KIF26B: variants seen among roughly 807,000 people sequenced by gnomAD.
KIF26B encodes the protein kinesin-like protein KIF26B.
KIF26B carries 63 observed loss-of-function variants against 151.2 expected under a neutral mutation model. The observed-to-expected ratio is 0.42, with a 90% CI of 0.34 to 0.51. KIF26B has a LOEUF of 0.51. KIF26B is among the 20% of genes least tolerant of loss of function. KIF26B has a pLI of 0.07. For synonymous variants in KIF26B, 1,357 were observed against 1,262.1 expected, an observed-to-expected ratio of 1.08 and a Z score of -1.59; for missense variants, 2,813 against 2,913.6, an observed-to-expected ratio of 0.97 and a Z score of 0.79.
chr1:245,624,863 A>C (rs761744010), intron 9 of KIF26B, among the ~76,000 whole-genome samples: 1 of 152,136 alleles, frequency 6.6e-6, no homozygotes, highest in Non-Finnish European at 1.5e-5. Flanking sequence ...TTGTAATTTT[A>C]GGCTTCAAAT....
intron 2 of KIF26B, among the ~76,000 whole-genome samples, chr1:245,317,098 T>C (rs899422501): frequency 1.9e-4 from 29 of 152,182 alleles, no homozygotes; most frequent in African/African-American, 6.8e-4. Context: ...GCTTTACTGT[T>C]CAACAAGAGG....
At chr1:245,668,013 A>G (rs2044236132) in intron 10 of KIF26B, among the ~76,000 whole-genome samples, 1 of 152,168 alleles carries the variant, frequency 6.6e-6, no homozygotes, top group Non-Finnish European at 1.5e-5. Context: ...CTCCTGCCTC[A>G]GCCTCCCAGG....
intron 2 of KIF26B, among the ~76,000 whole-genome samples, chr1:245,248,452 G>A (rs980569624): frequency 1.3e-5 from 2 of 152,216 alleles, no homozygotes; most frequent in Admixed American, 1.3e-4. Flanking sequence ...AAGATACACA[G>A]GTTTGGCCAG....
intron 2 of KIF26B, among the ~76,000 whole-genome samples, chr1:245,217,317 A>G (rs1669667751): frequency 6.6e-6 from 1 of 152,158 alleles, no homozygotes; most frequent in Non-Finnish European, 1.5e-5. Context: ...TTTGGACAAC[A>G]AATGACTCTC....
chr1:245,517,682 A>G (rs577005670), intron 4 of KIF26B, among the ~76,000 whole-genome samples: 1 of 152,306 alleles, frequency 6.6e-6, no homozygotes, highest in South Asian at 2.1e-4. Flanking sequence ...ATAAGCCACA[A>G]GGTAGCTCTG....
In KIF26B at chr1:245,249,814, C is replaced by G. The variant is rs139751690; in HGVS notation, c.465+93131C>G. Reference sequence around the variant, plus strand: ...TATTTTGGATACTGAATGCACAGAACTGATCTGGGAAGCATTGCTTTGTTT... The same window carrying G: ...TATTTTGGATACTGAATGCACAGAAGTGATCTGGGAAGCATTGCTTTGTTT... On this transcript the variant is annotated intron_variant, in intron 2 of 14. Coordinates refer to ENST00000407071, the MANE Select transcript of KIF26B (RefSeq NM_018012.4). Among the ~76,000 whole-genome samples the G allele has an allele frequency of 1.7e-3, 254 of 152,262 alleles. 2 individuals carry two copies. Among genetic ancestry groups the G allele is most frequent in the African/African-American group, 5.7e-3 (238 of 41,560 alleles).
chr1:245,203,834 T>C (rs1669347976), intron 2 of KIF26B, among the ~76,000 whole-genome samples: 3 of 152,340 alleles, frequency 2.0e-5, no homozygotes, highest in East Asian at 1.9e-4. Flanking sequence ...GAAAACTTCC[T>C]GTATGTTTTG....
Position 245,688,234 on chromosome 1 carries a change from T to TCCACCA in KIF26B, c.5255_5260dup (p.Thr1752_Thr1753dup), listed in dbSNP as rs763174144. On this transcript the variant is annotated inframe_insertion, in exon 12 of 15. Transcript: ENST00000407071. Reference sequence around the variant, plus strand: ...CCCCAGAGCGCGCGGCCCGTCCGCCTCCACCACCAAAACCCTCAGCTTCTC... The same window carrying TCCACCA: ...CCCCAGAGCGCGCGGCCCGTCCGCCTCCACCACCACCACCAAAACCCTCAGCTTCTC... 1.5e-5 allele frequency: 24 copies of TCCACCA among 1,588,876 alleles called. No individual in the cohort carries two copies. The Admixed American group carries it at 3.4e-4, about 22-fold the overall frequency.
At chr1:245,661,562 TTA>T (rs550631263) in intron 10 of KIF26B, among the ~76,000 whole-genome samples, 69 of 149,728 alleles carry the variant, frequency 4.6e-4, no homozygotes, top group African/African-American at 6.4e-4. Context: ...ACACCCAATG[TTA>T]TATATATATA....
chr1:245,500,960 TC>T (rs1660608270), intron 4 of KIF26B, among the ~76,000 whole-genome samples: 2 of 152,224 alleles, frequency 1.3e-5, no homozygotes, highest in African/African-American at 4.8e-5. Context: ...CAAAGAGGAA[TC>T]TTTTCATGCA....
chr1:245,171,416 T>C lies in KIF26B; in HGVS notation c.465+14733T>C, dbSNP rs191617922. Among the ~76,000 whole-genome samples, 806 of 152,186 alleles carry C rather than the reference T, an allele frequency of 5.3e-3. 6 individuals are homozygous for C. The highest frequency in any genetic ancestry group is 7.1e-3 in the Non-Finnish European group (485 of 68,002). ...AAAGTTAGCTGGGTGTGGTGGCACATGCCTGTAATCCCAGCTACTCCGGAA... is the reference window on the plus strand; with the variant it reads ...AAAGTTAGCTGGGTGTGGTGGCACACGCCTGTAATCCCAGCTACTCCGGAA... On this transcript the variant is annotated intron_variant, in intron 2 of 14. Coordinates refer to ENST00000407071, the MANE Select transcript of KIF26B (RefSeq NM_018012.4).
At chr1:245,421,262 G>A (rs979019674) in intron 4 of KIF26B, among the ~76,000 whole-genome samples, 2 of 152,170 alleles carry the variant, frequency 1.3e-5, no homozygotes, top group Non-Finnish European at 2.9e-5. Flanking sequence ...TTCAAAGGAG[G>A]CTGACTAAGA....
At chr1:245,175,068 C>T (rs184390310) in intron 2 of KIF26B, among the ~76,000 whole-genome samples, 37 of 152,252 alleles carry the variant, frequency 2.4e-4, no homozygotes, top group African/African-American at 8.4e-4. Flanking sequence ...TTGCTCATTC[C>T]TTGCTGTCTC....
In KIF26B at chr1:245,560,013, C is replaced by T. The variant is rs953727861; in HGVS notation, c.1350+19063C>T. On this transcript the variant is annotated intron_variant, in intron 5 of 14. Coordinates refer to ENST00000407071, the MANE Select transcript of KIF26B (RefSeq NM_018012.4). This position sits in a 1 kb window ranked among gnomAD's most constrained non-coding sequence, Gnocchi z 4.3. Reference sequence around the variant, plus strand: ...TGCTGTCGTCTCTGCCAGGGATGCTCGTCTCTCATTCGTTTTTTTGGCGTG... The same window carrying T: ...TGCTGTCGTCTCTGCCAGGGATGCTTGTCTCTCATTCGTTTTTTTGGCGTG... Among the ~76,000 whole-genome samples, 2 of 152,008 alleles carry T rather than the reference C, an allele frequency of 1.3e-5. No homozygotes were observed. The highest frequency in any genetic ancestry group is 1.3e-4 in the Admixed American group (2 of 15,256).
At chr1:245,382,581 T>G (rs1673438102) in intron 3 of KIF26B, among the ~76,000 whole-genome samples, 1 of 151,904 alleles carries the variant, frequency 6.6e-6, no homozygotes, top group African/African-American at 2.4e-5. Context: ...TTTTGTTTTG[T>G]TTTTGAGGCA....
rs1672789250 is a variant in KIF26B, at chr1:245,360,284, A to AT, written c.466-6549dup. Among the ~76,000 whole-genome samples the AT allele has an allele frequency of 2.0e-5, 3 of 152,286 alleles. No homozygotes were observed. The South Asian group carries it at 6.2e-4, about 32-fold the overall frequency. On this transcript the variant is annotated intron_variant, in intron 2 of 14. Coordinates refer to ENST00000407071, the MANE Select transcript of KIF26B (RefSeq NM_018012.4). The stretch of plus-strand genomic sequence containing the variant: ...TTGCAAAAGCGCCAAATCCTCCTAG[A>AT]TAAAAGACAGCCCTAAGATCATTGT...
At chr1:245,484,760 C>CATA (rs1261153105) in intron 4 of KIF26B, among the ~76,000 whole-genome samples, 1 of 135,522 alleles carries the variant, frequency 7.4e-6, no homozygotes, top group Non-Finnish European at 1.6e-5. Flanking sequence ...TCTTCTTCTT[C>CATA]TTCTTCATAT....
intron 2 of KIF26B, among the ~76,000 whole-genome samples, chr1:245,250,753 G>A (rs1482056122): frequency 2.6e-5 from 4 of 152,070 alleles, no homozygotes; most frequent in South Asian, 2.1e-4. Context: ...TTCTTTGCCC[G>A]TGTTTTTTCT....
chr1:245,163,496 A>AGCAT (rs1280110549), intron 2 of KIF26B, among the ~76,000 whole-genome samples: 2 of 152,082 alleles, frequency 1.3e-5, no homozygotes, highest in Non-Finnish European at 2.9e-5. Context: ...TGGCAGGGCT[A>AGCAT]GCTCTCTCTC....
Sources: allele counts gnomAD v4.1 joint callset (sites outside exome capture counted in the v4.1 genomes callset), GRCh38; gene constraint gnomAD v4.1.1; non-coding constraint Gnocchi (gnomAD v3.1); transcripts MANE v1.5; gene names NCBI Gene and HGNC (gene_info 2026-07-23, HGNC 2026-07-21).